WDR35: variants seen among roughly 807,000 people sequenced by gnomAD.
The protein encoded by WDR35 is WD repeat-containing protein 35.
In WDR35, 118 loss-of-function variants were observed where a neutral mutation model predicts 158.3. The observed-to-expected ratio is 0.75, with a 90% CI of 0.64 to 0.87. The LOEUF is 0.87. Ranked by LOEUF, WDR35 falls within the 40% of genes least tolerant of loss-of-function variation. The pLI is 0.00. For missense variants in WDR35, 1,263 were observed against 1,405.8 expected, an observed-to-expected ratio of 0.90 and a Z score of 1.62; for synonymous variants, 448 against 476.1, an observed-to-expected ratio of 0.94 and a Z score of 0.77.
intron 10 of WDR35, among the ~76,000 whole-genome samples, chr2:19,964,931 A>AT (rs1050464493): frequency 7.2e-4 from 106 of 146,996 alleles, no homozygotes; most frequent in Admixed American, 2.7e-3. Context: ...TTTCAAAATA[A>AT]TTTTTTTTTT....
At chr2:19,941,423 T>A (rs1572333449) in intron 17 of WDR35, among the ~76,000 whole-genome samples, 1 of 151,504 alleles carries the variant, frequency 6.6e-6, no homozygotes, top group African/African-American at 2.4e-5. Context: ...CAATTAGCAC[T>A]CATTTTTTTT....
At chr2:19,917,589 G>A (rs1395043923) in intron 25 of WDR35, among the ~76,000 whole-genome samples, 1 of 152,146 alleles carries the variant, frequency 6.6e-6, no homozygotes, top group Non-Finnish European at 1.5e-5. Context: ...CAAGAACTTC[G>A]TGAAGCATAC....
chr2:19,948,040 C>G, intron 14 of WDR35, 124 bp downstream of exon 14: 1 of 735,408 alleles, frequency 1.4e-6, no homozygotes, highest in Non-Finnish European at 2.2e-6. Context: ...TGGCCTCAAG[C>G]AATCCTCCTG....
intron 11 of WDR35, among the ~76,000 whole-genome samples, chr2:19,956,781 C>T (rs1193303605): frequency 6.6e-6 from 1 of 151,814 alleles, no homozygotes; most frequent in Non-Finnish European, 1.5e-5. Context: ...CCACCATGCC[C>T]GGCTAATTTT....
At chr2:19,982,364 T>C in intron 3 of WDR35, 99 bp downstream of exon 3, 1 of 1,128,572 alleles carries the variant, frequency 8.9e-7, no homozygotes, top group Non-Finnish European at 1.3e-6. Context: ...CTGTAAATAT[T>C]ACCATTATTT....
chr2:19,966,867 G>A lies in WDR35; in HGVS notation c.1051C>T (p.Pro351Ser), dbSNP rs140753861. The A allele has an allele frequency of 6.2e-7, 1 of 1,613,748 alleles. No individual in the cohort carries two copies. The highest frequency in any genetic ancestry group is 2.2e-5 in the East Asian group (1 of 44,858). The change falls in exon 10 of 27, where the codon CCT (proline) becomes TCT (serine). Residue 351 changes from proline (P) to serine (S), a missense_variant. By Grantham distance (74) the Pro-to-Ser change is moderately conservative. Transcript: ENST00000281405. ...ACAACACAATATTCTGGACGATCAG[G>A]TCTGGTATATGCATAAACTACAGTG... ...SNTVVYAYTRPDRPEYCVVFW... is the reference protein window; with the variant it reads ...SNTVVYAYTRSDRPEYCVVFW...
intron 10 of WDR35, among the ~76,000 whole-genome samples, chr2:19,965,152 A>C (rs1450194783): frequency 6.6e-6 from 1 of 152,110 alleles, no homozygotes; most frequent in Non-Finnish European, 1.5e-5. Flanking sequence ...CGAACTCCCG[A>C]CCTCAGGTAA....
At chr2:19,964,872 T>G (rs1014347607) in intron 10 of WDR35, among the ~76,000 whole-genome samples, 4 of 152,184 alleles carry the variant, frequency 2.6e-5, no homozygotes, top group Non-Finnish European at 5.9e-5. Context: ...CTTTTCTTAT[T>G]TTATGGATGT....
Position 19,973,545 on chromosome 2 carries a change from C to T in WDR35, c.882+18G>A. ...ACATTTAAATAGAAAGAAAGAAGAT[C>T]AATTTGAATGCATTTACCTCACCAA... is the stretch of plus-strand genomic sequence containing the variant. On this transcript the variant is annotated intron_variant, in intron 8 of 26. Coordinates refer to ENST00000281405, the MANE Select transcript of WDR35 (RefSeq NM_020779.4). The T allele has an allele frequency of 1.4e-5, 23 of 1,614,046 alleles. No homozygotes were observed. The highest frequency in any genetic ancestry group is 1.9e-5 in the Non-Finnish European group (23 of 1,179,982).
rs75195173 is a variant in WDR35 at position 19,931,717 on chromosome 2, T to C, written c.2824-308A>G. 3.3e-3 allele frequency among the ~76,000 whole-genome samples: 500 copies of C among 152,268 alleles called. 8 individuals carry two copies. Among genetic ancestry groups the C allele is most frequent in the Admixed American group, 0.029 (446 of 15,286 alleles). On this transcript the variant is annotated intron_variant, in intron 23 of 26. Transcript: ENST00000281405. ...AAGTATTGATGAAATGCTGGTATTT[T>C]CCATAATACAGAGATTTTTAAAATA...
chr2:19,969,711 G>A, intron 8 of WDR35, 106 bp from the exon 9 acceptor site: 1 of 1,179,092 alleles, frequency 8.5e-7, no homozygotes. Context: ...ATTATTTTGT[G>A]AAAAGTTACT....
At chr2:19,916,771 C>T (rs72779358) in intron 25 of WDR35, among the ~76,000 whole-genome samples, 7,278 of 152,272 alleles carry the variant, frequency 0.048, 197 homozygotes, top group Non-Finnish European at 0.072. Flanking sequence ...GGACAAAGCA[C>T]CTGGGGAAAG....
chr2:19,924,313 C>T (rs564965813), intron 25 of WDR35, among the ~76,000 whole-genome samples: 32 of 152,026 alleles, frequency 2.1e-4, no homozygotes, highest in African/African-American at 4.8e-4. Context: ...GCCTGTAATC[C>T]CAGCACTTTG....
At chr2:19,979,684 G>C (rs79913551) in intron 4 of WDR35, among the ~76,000 whole-genome samples, 2 of 151,770 alleles carry the variant, frequency 1.3e-5, no homozygotes, top group Admixed American at 6.6e-5. Context: ...TAACAGAATC[G>C]AGACTGAGAC....
intron 16 of WDR35, 50 bp downstream of exon 16, chr2:19,945,736 A>G: frequency 1.2e-6 from 2 of 1,603,192 alleles, no homozygotes; most frequent in South Asian, 1.1e-5. Context: ...CCAGGTTTTT[A>G]TATTTGGCTC....
chr2:19,952,133 A>G (rs1216829850), intron 12 of WDR35, among the ~76,000 whole-genome samples: 1 of 152,216 alleles, frequency 6.6e-6, no homozygotes, highest in Non-Finnish European at 1.5e-5. Context: ...TACACTGTAC[A>G]CATTAAGTAA....
intron 25 of WDR35, among the ~76,000 whole-genome samples, chr2:19,920,901 T>A (rs767832076): frequency 6.6e-6 from 1 of 152,200 alleles, no homozygotes; most frequent in Non-Finnish European, 1.5e-5. Flanking sequence ...ACAAAATCAA[T>A]GTGCAAAAAT....
chr2:19,918,007 C>G (rs1326231160), intron 25 of WDR35, among the ~76,000 whole-genome samples: 9 of 152,052 alleles, frequency 5.9e-5, no homozygotes, highest in Non-Finnish European at 1.3e-4. Flanking sequence ...GTCGGGCTAC[C>G]CACAAAGGGA....
chr2:19,938,210 G>A (rs909135538), intron 18 of WDR35, 55 bp downstream of exon 18: 2 of 1,611,832 alleles, frequency 1.2e-6, no homozygotes, highest in African/African-American at 1.3e-5. Flanking sequence ...GGACAAAACT[G>A]AGACTTTAAA....
Sources: allele counts gnomAD v4.1 joint callset (sites outside exome capture counted in the v4.1 genomes callset), GRCh38; gene constraint gnomAD v4.1.1; transcripts MANE v1.5; gene names NCBI Gene and HGNC (gene_info 2026-07-23, HGNC 2026-07-21).